EVC: variants seen among roughly 807,000 people sequenced by gnomAD.
The protein encoded by EVC is evC complex member EVC.
Under a neutral mutation model 118.9 loss-of-function variants are expected in EVC, and 116 were observed. That is an observed-to-expected ratio of 0.98 (90% CI 0.84 to 1.14). The LOEUF (loss-of-function observed/expected upper bound fraction) is 1.14, where lower values mean the gene tolerates loss of function less well. Ranked by LOEUF, EVC falls within the 50% of genes most tolerant of loss-of-function variation. The pLI is 0.00. For missense variants in EVC, 1,401 were observed against 1,246.4 expected (o/e 1.12, Z -1.87); for synonymous variants, 619 against 534.7 (o/e 1.16, Z -2.18).
intron 8 of EVC, among the ~76,000 whole-genome samples, chr4:5,751,238 G>A (rs892147945): frequency 3.2e-4 from 48 of 152,204 alleles, no homozygotes; most frequent in African/African-American, 1.1e-3. Context: ...GGTCCTGGGA[G>A]CCAAGTCTGA....
At chr4:5,727,639 T>C (rs1472076377) in intron 2 of EVC, among the ~76,000 whole-genome samples, 1 of 151,512 alleles carries the variant, frequency 6.6e-6, no homozygotes, top group East Asian at 1.9e-4. Context: ...AGACATGAAG[T>C]CCTTGCACAT....
intron 2 of EVC, among the ~76,000 whole-genome samples, chr4:5,727,266 A>G (rs1361494704): frequency 2.6e-5 from 4 of 152,274 alleles, no homozygotes; most frequent in East Asian, 3.9e-4. Context: ...TCTCCATTCT[A>G]ACTGGTGTGA....
In EVC at chr4:5,719,732, G is replaced by C. The variant is rs1209091670; in HGVS notation, c.300+359G>C. On this transcript the variant is annotated intron_variant, in intron 2 of 20. Transcript: ENST00000264956. This position sits in a 1 kb window ranked among gnomAD's most constrained non-coding sequence, Gnocchi z 4.7. ...TCTGGAACCTTATGCAAATGGAATTGTGCTGTTCTGTGCCTGTGTTCCCTC... is the reference window on the plus strand; with the variant it reads ...TCTGGAACCTTATGCAAATGGAATTCTGCTGTTCTGTGCCTGTGTTCCCTC... 6.6e-6 allele frequency among the ~76,000 whole-genome samples: 1 copy of C among 152,128 alleles called. No individual in the cohort carries two copies. Among genetic ancestry groups the C allele is most frequent in the Non-Finnish European group, 1.5e-5 (1 of 68,036 alleles).
chr4:5,763,153 A>G (rs1276413095), intron 11 of EVC, among the ~76,000 whole-genome samples: 2 of 100,460 alleles, frequency 2.0e-5, no homozygotes, highest in South Asian at 3.7e-4. Context: ...CATTTATTAA[A>G]TAGGGAATCC....
rs1342063021 is a variant in EVC at position 5,798,208 on chromosome 4, A to C, written c.2098-378A>C. ...TATCCTGAGACTCACATCTGGCTTC[A>C]AACCTGGCTCTGCTGTGTGACTTTA... On this transcript the variant is annotated intron_variant, in intron 14 of 20. Transcript: ENST00000264956. The surrounding 1 kb of genome is among the most constrained non-coding windows in gnomAD (Gnocchi z 4.1). Among the ~76,000 whole-genome samples, 1 of 152,166 alleles carries C rather than the reference A, an allele frequency of 6.6e-6. No individual in the cohort carries two copies. The highest frequency in any genetic ancestry group is 1.5e-5 in the Non-Finnish European group (1 of 68,018).
chr4:5,729,460 G>T lies in EVC; in HGVS notation c.384+70G>T, dbSNP rs542798399. The T allele has an allele frequency of 2.7e-5, 38 of 1,420,834 alleles. No homozygotes were observed. The African/African-American group carries it at 3.5e-4, about 13-fold the overall frequency. The allele number at this position is 1,420,834 out of a possible 1,614,324, so 88.0% of individuals were successfully genotyped here. On this transcript the variant is annotated intron_variant, in intron 3 of 20. Coordinates refer to ENST00000264956, the MANE Select transcript of EVC (RefSeq NM_153717.3). Reference sequence around the variant, plus strand: ...ATGTGCCAGAGATTGGGAGGAAAGTGGGGGGATTAACTGTGTGATGTTTGG... The same window carrying T: ...ATGTGCCAGAGATTGGGAGGAAAGTTGGGGGATTAACTGTGTGATGTTTGG...
At chr4:5,810,295 T>G (rs1355485144) in intron 19 of EVC, 44 bp from the exon 20 acceptor site, 24 of 1,514,130 alleles carry the variant, frequency 1.6e-5, no homozygotes, top group African/African-American at 2.7e-5. Flanking sequence ...TTGTCACTTG[T>G]CTAAAGTCAC....
chr4:5,765,722 C>T (rs1732762501), intron 11 of EVC, among the ~76,000 whole-genome samples: 1 of 132,698 alleles, frequency 7.5e-6, no homozygotes, highest in African/African-American at 2.9e-5. Flanking sequence ...ACTAGGATTG[C>T]AACCCCTGCC....
At chr4:5,787,017 G>GA (rs1383981322) in intron 12 of EVC, among the ~76,000 whole-genome samples, 1 of 152,174 alleles carries the variant, frequency 6.6e-6, no homozygotes, top group Non-Finnish European at 1.5e-5. Flanking sequence ...GCTATTCATG[G>GA]AAAATCAAAA....
intron 19 of EVC, among the ~76,000 whole-genome samples, chr4:5,809,969 G>A (rs1716619960): frequency 6.6e-6 from 1 of 152,178 alleles, no homozygotes; most frequent in Non-Finnish European, 1.5e-5. Context: ...TGACTCAGAA[G>A]GTGGTGTGAG....
At chr4:5,767,671 C>T (rs930503210) in intron 11 of EVC, among the ~76,000 whole-genome samples, 1 of 152,042 alleles carries the variant, frequency 6.6e-6, no homozygotes, top group Non-Finnish European at 1.5e-5. Context: ...TTCCAGGTGC[C>T]ATCTGTCACC....
chr4:5,758,234 C>T (rs1237721989), intron 11 of EVC: 14 of 652,024 alleles, frequency 2.1e-5, no homozygotes, highest in East Asian at 1.4e-4. Flanking sequence ...TTGGAGGGGG[C>T]GAGGCTCTGC....
intron 2 of EVC, 53 bp from the exon 3 acceptor site, chr4:5,729,254 T>C: frequency 1.3e-6 from 2 of 1,572,438 alleles, no homozygotes; most frequent in Non-Finnish European, 1.8e-6. Flanking sequence ...CTTGACAACT[T>C]ATCCTTCATT....
chr4:5,742,890 T>C lies in EVC; in HGVS notation c.801+1076T>C, dbSNP rs1728821158. ...TGTTAGACAGTAGTGTTTTAGTGAA[T>C]GGTGCCACTCCTTGCGGAGCAGGGC... On this transcript the variant is annotated intron_variant, in intron 6 of 20. Transcript: ENST00000264956. This position sits in a 1 kb window ranked among gnomAD's most constrained non-coding sequence, Gnocchi z 5.2. Among the ~76,000 whole-genome samples, 1 of 152,220 alleles carries C rather than the reference T, an allele frequency of 6.6e-6. No individual in the cohort carries two copies. Among genetic ancestry groups the C allele is most frequent in the Non-Finnish European group, 1.5e-5 (1 of 68,046 alleles).
At chr4:5,741,018 C>T (rs973008211) in intron 5 of EVC, among the ~76,000 whole-genome samples, 2 of 152,182 alleles carry the variant, frequency 1.3e-5, no homozygotes, top group African/African-American at 2.4e-5. Context: ...TACGGCCATA[C>T]TGGAAAACGT....
intron 5 of EVC, 60 bp downstream of exon 5, chr4:5,733,495 C>T (rs1727176658): frequency 2.8e-6 from 4 of 1,422,794 alleles, no homozygotes; most frequent in African/African-American, 1.4e-5. Context: ...GAGACAAGGA[C>T]TCTGTGTGCA....
chr4:5,759,543 C>G (rs1243425821), intron 11 of EVC, among the ~76,000 whole-genome samples: 1 of 152,154 alleles, frequency 6.6e-6, no homozygotes, highest in African/African-American at 2.4e-5. Context: ...CCTCCTCACC[C>G]CCTATGGTAG....
chr4:5,748,341 T>C, intron 8 of EVC, 35 bp downstream of exon 8: 16 of 1,611,836 alleles, frequency 9.9e-6, no homozygotes, highest in Non-Finnish European at 1.4e-5. Flanking sequence ...AACATAAAGA[T>C]ATTCAGACTA....
intron 11 of EVC, among the ~76,000 whole-genome samples, chr4:5,763,809 A>G (rs1560364030): frequency 2.9e-5 from 3 of 102,334 alleles, no homozygotes; most frequent in African/African-American, 4.3e-5. Context: ...GGGCTGAGAC[A>G]ATGGGGTTTT....
Sources: allele counts gnomAD v4.1 joint callset (sites outside exome capture counted in the v4.1 genomes callset), GRCh38; gene constraint gnomAD v4.1.1; non-coding constraint Gnocchi (gnomAD v3.1); transcripts MANE v1.5; gene names NCBI Gene and HGNC (gene_info 2026-07-23, HGNC 2026-07-21).